The following SPTBN1 variants were observed in gnomAD, a reference collection of about 807,000 sequenced individuals.
SPTBN1 encodes spectrin beta, non-erythrocytic 1, also known as spectrin beta chain, non-erythrocytic 1.
In SPTBN1, 32 loss-of-function variants were observed where a neutral mutation model predicts 266.4. That is an observed-to-expected ratio of 0.12 (90% confidence interval 0.09 to 0.16). The LOEUF (loss-of-function observed/expected upper bound fraction) is 0.16, where lower values mean the gene tolerates loss of function less well. SPTBN1 is among the 10% of genes least tolerant of loss of function. The pLI, the probability that SPTBN1 is intolerant of heterozygous loss-of-function variation, is 1.00. For missense variants in SPTBN1, 2,296 were observed against 3,067.1 expected, an observed-to-expected ratio of 0.75 and a Z score of 5.94; for synonymous variants, 1,336 against 1,162.2, an observed-to-expected ratio of 1.15 and a Z score of -3.04.
chr2:54,629,290 T>A lies in SPTBN1; in HGVS notation c.2156T>A (p.Ile719Asn). 1.2e-6 allele frequency: 2 copies of A among 1,613,982 alleles called. No homozygotes were observed. Among genetic ancestry groups the A allele is most frequent in the Non-Finnish European group, 1.7e-6 (2 of 1,180,018 alleles). The change falls in exon 14 of 36, where the codon ATC (isoleucine) becomes AAC (asparagine). Residue 719 changes from isoleucine to asparagine, a missense_variant. By Grantham distance (149) the Ile-to-Asn change is moderately radical. Coordinates refer to ENST00000356805, the MANE Select transcript of SPTBN1 (RefSeq NM_003128.3). ...HFGSEKIRER[I>N]IYIREQWANL... ...GGGTCGGAGAAGATCCGTGAGAGGATCATTTACATCCGGGAGCAGTGGGCC... is the reference window on the plus strand; with the variant it reads ...GGGTCGGAGAAGATCCGTGAGAGGAACATTTACATCCGGGAGCAGTGGGCC...
chr2:54,515,199 T>G (rs1558795608), intron 1 of SPTBN1, among the ~76,000 whole-genome samples: 2 of 152,148 alleles, frequency 1.3e-5, no homozygotes, highest in Non-Finnish European at 1.5e-5. Flanking sequence ...CAACTCTGTA[T>G]TCATCTCCAC....
intron 2 of SPTBN1, chr2:54,557,732 T>G: frequency 7.1e-6 from 7 of 985,456 alleles, no homozygotes; most frequent in Non-Finnish European, 8.4e-6. Context: ...TTGCGTCGAA[T>G]TCCTATCATA....
intron 1 of SPTBN1, among the ~76,000 whole-genome samples, chr2:54,467,494 A>G (rs1043391036): frequency 6.6e-6 from 1 of 152,124 alleles, no homozygotes; most frequent in Non-Finnish European, 1.5e-5. Flanking sequence ...TCCCAGGTTC[A>G]AGCGATTCTC....
At chr2:54,619,521 CGAG>C in intron 7 of SPTBN1, among the ~76,000 whole-genome samples, 1 of 152,292 alleles carries the variant, frequency 6.6e-6, no homozygotes, top group Middle Eastern at 3.4e-3. Flanking sequence ...GATCACAAGA[CGAG>C]GAGCTAAAAA....
In SPTBN1 at chr2:54,649,229, A is replaced by G; in HGVS notation, c.5202+39A>G. On this transcript the variant is annotated intron_variant, in intron 25 of 35. Coordinates refer to ENST00000356805, the MANE Select transcript of SPTBN1 (RefSeq NM_003128.3). The surrounding 1 kb of genome is among the most constrained non-coding windows in gnomAD (Gnocchi z 6.7). ...GCAGTGCATGAGTTGGTTGTGCAGT[A>G]AGCGATGGTGTGGAAGGCCATTTGC... The G allele has an allele frequency of 6.4e-7, 1 of 1,560,282 alleles. No individual in the cohort carries two copies. The highest frequency in any genetic ancestry group is 8.7e-7 in the Non-Finnish European group (1 of 1,145,792).
At chr2:54,460,128 G>A (rs4671933) in intron 1 of SPTBN1, among the ~76,000 whole-genome samples, 49,763 of 152,076 alleles carry the variant, frequency 0.33, 8,486 homozygotes, top group East Asian at 0.6. Flanking sequence ...AGATTCTTAG[G>A]CCCCACTCTG....
chr2:54,627,958 C>A, intron 12 of SPTBN1, 139 bp from the exon 13 acceptor site: 1 of 929,540 alleles, frequency 1.1e-6, no homozygotes. Context: ...CCATCATCTT[C>A]CCCTGAAGGT....
intron 2 of SPTBN1, chr2:54,529,509 G>T: frequency 1.4e-6 from 1 of 712,830 alleles, no homozygotes; most frequent in Non-Finnish European, 2.6e-6. Flanking sequence ...CTGAGACTCT[G>T]GAGGCCGCCC....
intron 2 of SPTBN1, among the ~76,000 whole-genome samples, chr2:54,578,482 G>T (rs1019750510): frequency 5.9e-5 from 9 of 152,178 alleles, no homozygotes; most frequent in African/African-American, 2.2e-4. Flanking sequence ...CTGCTGCCAA[G>T]TATAAGTGAA....
chr2:54,652,004 C>T (rs1269172441), intron 26 of SPTBN1, among the ~76,000 whole-genome samples: 3 of 151,842 alleles, frequency 2.0e-5, no homozygotes, highest in South Asian at 4.2e-4. Context: ...GCTGTCCGTA[C>T]CCCCCCGCCT....
intron 2 of SPTBN1, among the ~76,000 whole-genome samples, chr2:54,532,824 G>C (rs1037641721): frequency 1.3e-5 from 2 of 152,146 alleles, no homozygotes; most frequent in Non-Finnish European, 2.9e-5. Context: ...CCCCTAATTT[G>C]TGTTGATTCT....
intron 1 of SPTBN1, among the ~76,000 whole-genome samples, chr2:54,467,224 G>A (rs1398651356): frequency 1.3e-5 from 2 of 151,198 alleles, no homozygotes; most frequent in African/African-American, 4.9e-5. Context: ...CTTGGGCTGG[G>A]ATAGGGATAG....
In SPTBN1 at chr2:54,631,115, A is replaced by T; in HGVS notation, c.3068A>T (p.Glu1023Val). Residue 1023 changes from glutamate (E) to valine (V), a missense_variant, in exon 16 of 36, where the codon GAG (glutamate) becomes GTG (valine). Coordinates refer to ENST00000356805, the MANE Select transcript of SPTBN1 (RefSeq NM_003128.3). ...CTGCAGAAGGAGGCGGAGAAGCTGG[A>T]GTCCGAGCACCCCGACCAGGCCCAG... The part of the protein sequence containing the change: ...SDLQKEAEKL[E>V]SEHPDQAQAI... The T allele has an allele frequency of 6.2e-7, 1 of 1,614,198 alleles. No homozygotes were observed. The highest frequency in any genetic ancestry group is 8.5e-7 in the Non-Finnish European group (1 of 1,180,032).
At chr2:54,562,969 G>A (rs1359915879) in intron 2 of SPTBN1, among the ~76,000 whole-genome samples, 2 of 152,058 alleles carry the variant, frequency 1.3e-5, no homozygotes, top group African/African-American at 2.4e-5. Flanking sequence ...TGCTTACCAT[G>A]TACCAGTCAG....
chr2:54,594,738 G>A (rs1024596233), intron 2 of SPTBN1, among the ~76,000 whole-genome samples: 2 of 151,860 alleles, frequency 1.3e-5, no homozygotes, highest in African/African-American at 2.4e-5. Context: ...CCCAGGTGTT[G>A]AAGAAGGGAT....
chr2:54,643,171 CAG>C (rs1679690980), intron 19 of SPTBN1, 42 bp downstream of exon 19: 1 of 1,611,568 alleles, frequency 6.2e-7, no homozygotes, highest in African/African-American at 1.3e-5. Flanking sequence ...AGAAAACAAA[CAG>C]GGTAGTAATA....
intron 2 of SPTBN1, among the ~76,000 whole-genome samples, chr2:54,594,836 T>TTTC (rs1232329130): frequency 4.3e-5 from 6 of 138,852 alleles, no homozygotes; most frequent in African/African-American, 9.0e-5. Flanking sequence ...TAAGTTTCTT[T>TTTC]TTTTTTTTTT....
At chr2:54,586,802 G>C (rs928989236) in intron 2 of SPTBN1, among the ~76,000 whole-genome samples, 1 of 152,158 alleles carries the variant, frequency 6.6e-6, no homozygotes, top group Non-Finnish European at 1.5e-5. Flanking sequence ...AAACTGTCAA[G>C]AACGGCTGGA....
chr2:54,541,746 T>C (rs1283134857), intron 2 of SPTBN1, among the ~76,000 whole-genome samples: 1 of 152,200 alleles, frequency 6.6e-6, no homozygotes, highest in Non-Finnish European at 1.5e-5. Context: ...AAAGAAATAA[T>C]TTTCAACCAT....
Sources: allele counts gnomAD v4.1 joint callset (sites outside exome capture counted in the v4.1 genomes callset), GRCh38; gene constraint gnomAD v4.1.1; non-coding constraint Gnocchi (gnomAD v3.1); transcripts MANE v1.5; gene names NCBI Gene and HGNC (gene_info 2026-07-23, HGNC 2026-07-21).